SLC8A3: variants seen among roughly 807,000 people sequenced by gnomAD.
SLC8A3 encodes the protein solute carrier family 8 member A3, also known as sodium/calcium exchanger 3.
A neutral mutation model predicts 65.4 loss-of-function variants in SLC8A3; 37 were observed. The ratio of observed to expected loss-of-function variants is 0.57; its 90% confidence interval spans 0.44 to 0.74. The LOEUF (loss-of-function observed/expected upper bound fraction) is 0.74, where lower values mean the gene tolerates loss of function less well. SLC8A3 is among the 30% of genes least tolerant of loss of function. The pLI is 0.00. For missense variants in SLC8A3, 1,112 were observed against 1,172.1 expected, an observed-to-expected ratio of 0.95 and a Z score of 0.75; for synonymous variants, 461 against 444.5, an observed-to-expected ratio of 1.04 and a Z score of -0.47.
intron 2 of SLC8A3, among the ~76,000 whole-genome samples, chr14:70,152,267 A>C (rs928246250): frequency 1.3e-4 from 20 of 152,184 alleles, no homozygotes; most frequent in Non-Finnish European, 2.2e-4. Context: ...AACTTCCCCC[A>C]AAACTCAGAA....
intron 2 of SLC8A3, among the ~76,000 whole-genome samples, chr14:70,151,193 G>T (rs1450545843): frequency 5.9e-5 from 9 of 151,850 alleles, no homozygotes; most frequent in African/African-American, 2.2e-4. Flanking sequence ...GGCAGAGGTG[G>T]CAGTGAGCCG....
Position 70,174,651 on chromosome 14 carries a change from G to GGTTT in SLC8A3, c.-62-6168_-62-6167insAAAC, listed in dbSNP as rs1555385182. 5.1e-4 allele frequency among the ~76,000 whole-genome samples: 46 copies of GGTTT among 90,360 alleles called. 6 individuals carry two copies. Among genetic ancestry groups the GGTTT allele is most frequent in the African/African-American group, 2.2e-3 (45 of 20,224 alleles). 59.3% of individuals were successfully genotyped at this position (90,360 alleles called of 152,430 possible). A position where few individuals can be genotyped will look rare whatever the true frequency, so the allele number is the denominator to read the frequency against. ...CCAAAAAGCCCCTTGGACCAAATCC[G>GGTTT]TTTTTTTTTTGTTTTTTTTTTTTTT... is the stretch of plus-strand genomic sequence containing the variant. On this transcript the variant is annotated intron_variant, in intron 1 of 6. Transcript: ENST00000356921.
At chr14:70,109,969 C>A (rs1893169596) in intron 2 of SLC8A3, among the ~76,000 whole-genome samples, 1 of 152,124 alleles carries the variant, frequency 6.6e-6, no homozygotes. Context: ...CTAAAGTTAA[C>A]TGACTGGTTC....
At chr14:70,074,094 T>G (rs1320048657) in intron 2 of SLC8A3, among the ~76,000 whole-genome samples, 1 of 152,212 alleles carries the variant, frequency 6.6e-6, no homozygotes, top group Non-Finnish European at 1.5e-5. Context: ...GTTGCACAAC[T>G]GCACTGGGCT....
Position 70,168,267 on chromosome 14 carries a change from C to T in SLC8A3, c.156G>A (p.Ser52=), listed in dbSNP as rs148200779. Residue 52 remains serine (S), a synonymous_variant, in exon 2 of 7, where the codon TCG becomes TCA. Transcript: ENST00000356921. ...GCAGGATGACACCCTCCTTGCAGTC[C>T]GATGACCCTGAACAGGACTCATTGT... is the stretch of plus-strand genomic sequence containing the variant. ...GQNNESCSGS[S]DCKEGVILPI... The T allele has an allele frequency of 6.1e-4, 991 of 1,614,146 alleles. 1 individual carries two copies. In the African/African-American group the frequency reaches 9.5e-3, roughly 16 times the overall value.
chr14:70,116,449 T>C (rs572519580), intron 2 of SLC8A3, among the ~76,000 whole-genome samples: 10 of 152,164 alleles, frequency 6.6e-5, no homozygotes, highest in African/African-American at 2.2e-4. Context: ...CTAAGGAACA[T>C]GGTGCTTCCA....
intron 2 of SLC8A3, among the ~76,000 whole-genome samples, chr14:70,119,310 T>C (rs1452030564): frequency 6.6e-6 from 1 of 152,294 alleles, no homozygotes; most frequent in Non-Finnish European, 1.5e-5. Context: ...TTGATTTCTT[T>C]GTTGGGTAAA....
chr14:70,157,677 A>G (rs1003656355), intron 2 of SLC8A3, among the ~76,000 whole-genome samples: 3 of 152,260 alleles, frequency 2.0e-5, no homozygotes, highest in Admixed American at 6.5e-5. Flanking sequence ...CACTGGAGAC[A>G]GAAAGCGGTC....
At chr14:70,056,761 GA>G (rs1888170264) in intron 3 of SLC8A3, among the ~76,000 whole-genome samples, 1 of 152,222 alleles carries the variant, frequency 6.6e-6, no homozygotes, top group Non-Finnish European at 1.5e-5. Flanking sequence ...ATACATAGAT[GA>G]GAGATGACAA....
intron 2 of SLC8A3, among the ~76,000 whole-genome samples, chr14:70,079,330 C>CAAA (rs11464342): frequency 4.7e-4 from 38 of 80,924 alleles, no homozygotes; most frequent in Non-Finnish European, 6.1e-4. Context: ...CTAAAAAATA[C>CAAA]AAAAAAAAAA....
intron 2 of SLC8A3, among the ~76,000 whole-genome samples, chr14:70,112,151 CT>C (rs1893348838): frequency 6.6e-6 from 1 of 152,192 alleles, no homozygotes; most frequent in Non-Finnish European, 1.5e-5. Context: ...GAGGGAGAGA[CT>C]GAGTCTCGCC....
At position 70,151,646 on chromosome 14, in the gene SLC8A3, G is replaced by A. The variant is rs577892634; in HGVS notation, c.1784+14993C>T. Among the ~76,000 whole-genome samples, 5 of 152,346 alleles carry A rather than the reference G, an allele frequency of 3.3e-5. No individual in the cohort carries two copies. In the East Asian group the frequency reaches 9.6e-4, roughly 29 times the overall value. ...TATGTATTAGTTTCCTATGGCTGCT[G>A]TGACAAATCGCCACAAACGTGGTAG... On this transcript the variant is annotated intron_variant, in intron 2 of 6. Transcript: ENST00000356921.
chr14:70,051,578 G>C (rs932618275), intron 4 of SLC8A3, among the ~76,000 whole-genome samples: 1 of 152,150 alleles, frequency 6.6e-6, no homozygotes, highest in African/African-American at 2.4e-5. Context: ...TGAGATTACA[G>C]GCGTGAGTCC....
chr14:70,092,851 T>A (rs1160444152), intron 2 of SLC8A3, among the ~76,000 whole-genome samples: 4 of 152,208 alleles, frequency 2.6e-5, no homozygotes, highest in African/African-American at 4.8e-5. Flanking sequence ...GCCAAAAAAA[T>A]CCCAATTTCT....
In SLC8A3 at chr14:70,044,689, C is replaced by T. The variant is rs3809401; in HGVS notation, c.*1258G>A. The T allele has an allele frequency of 0.29, 44,284 of 151,912 alleles. 6,512 individuals carry two copies. Among genetic ancestry groups the T allele is most frequent in the East Asian group, 0.46 (2,376 of 5,148 alleles). 9.4% of individuals were successfully genotyped at this position (151,912 alleles called of 1,614,324 possible). A position where few individuals can be genotyped will look rare whatever the true frequency, so the allele number is the denominator to read the frequency against. On this transcript the variant is annotated 3_prime_UTR_variant, in exon 7 of 7. Coordinates refer to ENST00000356921, the MANE Select transcript of SLC8A3 (RefSeq NM_182932.3). Reference sequence around the variant, plus strand: ...ATGGGAGAAATGAGGAATTCCAGTTCCTATCTTGTAAAAATGCTTTCATAT... The same window carrying T: ...ATGGGAGAAATGAGGAATTCCAGTTTCTATCTTGTAAAAATGCTTTCATAT...
chr14:70,102,094 C>A (rs7144954), intron 2 of SLC8A3, among the ~76,000 whole-genome samples: 31,038 of 152,134 alleles, frequency 0.2, 3,750 homozygotes, highest in Admixed American at 0.27. Context: ...CAGGACCCAA[C>A]AGAGATCTCT....
rs1485632946 is a variant in SLC8A3, at chr14:70,044,625, G to T, written c.*1322C>A. 1.3e-5 allele frequency: 2 copies of T among 152,014 alleles called. No individual in the cohort carries two copies. The highest frequency in any genetic ancestry group is 2.4e-5 in the African/African-American group (1 of 41,372). 9.4% of individuals were successfully genotyped at this position (152,014 alleles called of 1,614,324 possible). ...TGGAGCAAGAACTACCCCATAGGCT[G>T]GAAAAATAGCTTCATGAAGTTTAAG... On this transcript the variant is annotated 3_prime_UTR_variant, in exon 7 of 7. Coordinates refer to ENST00000356921, the MANE Select transcript of SLC8A3 (RefSeq NM_182932.3).
At position 70,048,975 on chromosome 14, in the gene SLC8A3, G is replaced by A; in HGVS notation, c.2181C>T (p.His727=). ...RLPSCFDYVM[H]FLTVFWKVLF... is the part of the protein sequence containing the mutation. ...GCACCTTCCAGAAGACAGTCAGGAA[G>A]TGCATGACGTAGTCAAAGCAGGAGG... The change falls in exon 6 of 7, where the codon CAC becomes CAT. Residue 727 remains histidine (H), a synonymous_variant. Coordinates refer to ENST00000356921, the MANE Select transcript of SLC8A3 (RefSeq NM_182932.3). 2 of 1,614,224 alleles carry A rather than the reference G, an allele frequency of 1.2e-6. No homozygotes were observed. The highest frequency in any genetic ancestry group is 1.1e-5 in the South Asian group (1 of 91,088).
chr14:70,092,341 C>T lies in SLC8A3; in HGVS notation c.1785-31402G>A, dbSNP rs140585241. On this transcript the variant is annotated intron_variant, in intron 2 of 6. Coordinates refer to ENST00000356921, the MANE Select transcript of SLC8A3 (RefSeq NM_182932.3). The stretch of plus-strand genomic sequence containing the variant: ...CCTGGAATGCTTTCCTGATGCCCCT[C>T]CTCACTTCAATCCAGACCCACATGG... 4.3e-3 allele frequency among the ~76,000 whole-genome samples: 654 copies of T among 152,298 alleles called. 2 individuals carry two copies. The highest frequency in any genetic ancestry group is 0.017 in the Middle Eastern group (5 of 294).
Sources: allele counts gnomAD v4.1 joint callset (sites outside exome capture counted in the v4.1 genomes callset), GRCh38; gene constraint gnomAD v4.1.1; transcripts MANE v1.5; gene names NCBI Gene and HGNC (gene_info 2026-07-23, HGNC 2026-07-21).